TBC1D1: variants seen among roughly 807,000 people sequenced by gnomAD.
TBC1D1 encodes the protein TBC1 (tre-2/USP6, BUB2, cdc16) domain family, member 1.
In TBC1D1, 89 loss-of-function variants were observed where a neutral mutation model predicts 125.6. The ratio of observed to expected loss-of-function variants is 0.71; its 90% confidence interval spans 0.60 to 0.85. TBC1D1 has a LOEUF of 0.85. TBC1D1 is among the 40% of genes least tolerant of loss of function. The probability of loss-of-function intolerance (pLI) is 0.00; values close to 1 mark genes in which losing one functional copy is unlikely to be tolerated. For missense variants in TBC1D1, 1,377 were observed against 1,469.2 expected (o/e 0.94, Z 1.03); for synonymous variants, 565 against 564.1 (o/e 1.00, Z -0.02).
In TBC1D1 at chr4:38,075,286, G is replaced by A. The variant is rs576672926; in HGVS notation, c.2051-14646G>A. The stretch of plus-strand genomic sequence containing the variant: ...TTCAAGAGATCTTGATGATCATGTC[G>A]TCTGTTTTCATTTTCTACTACATGA... On this transcript the variant is annotated intron_variant, in intron 12 of 19. Transcript: ENST00000261439. 3.8e-4 allele frequency among the ~76,000 whole-genome samples: 58 copies of A among 152,222 alleles called. 1 individual carries two copies. The South Asian group carries it at 4.6e-3, about 12-fold the overall frequency.
intron 1 of TBC1D1, among the ~76,000 whole-genome samples, chr4:37,900,107 C>T (rs1715555803): frequency 7.3e-6 from 1 of 136,178 alleles, no homozygotes; most frequent in Non-Finnish European, 1.5e-5. Context: ...GGCGACAGAG[C>T]GAGGAGCCGT....
chr4:38,094,790 G>A (rs1326045739), intron 13 of TBC1D1, among the ~76,000 whole-genome samples: 1 of 150,586 alleles, frequency 6.6e-6, no homozygotes, highest in Non-Finnish European at 1.5e-5. Context: ...GCCAGTTGCA[G>A]TGCAGCAAGG....
At chr4:38,079,743 A>G (rs1756232216) in intron 12 of TBC1D1, among the ~76,000 whole-genome samples, 1 of 152,142 alleles carries the variant, frequency 6.6e-6, no homozygotes, top group African/African-American at 2.4e-5. Flanking sequence ...AAAAAAAGCA[A>G]GTTATATTAC....
chr4:38,102,978 T>G (rs748204131), intron 14 of TBC1D1, 21 bp from the exon 17 acceptor site: 60 of 1,604,754 alleles, frequency 3.7e-5, no homozygotes, highest in Non-Finnish European at 4.9e-5. Context: ...ATTATTTCCA[T>G]GTCTTCTCTC....
At chr4:38,045,298 GATTTT>G (rs1008394593) in intron 9 of TBC1D1, among the ~76,000 whole-genome samples, 11 of 152,244 alleles carry the variant, frequency 7.2e-5, no homozygotes, top group South Asian at 6.2e-4. Context: ...TGAAACATCT[GATTTT>G]ATTTTATTTT....
intron 12 of TBC1D1, among the ~76,000 whole-genome samples, chr4:38,061,720 G>C (rs1455022732): frequency 6.6e-6 from 1 of 152,142 alleles, no homozygotes; most frequent in African/African-American, 2.4e-5. Context: ...AAGTCTAGTG[G>C]ATTAGATATT....
At chr4:37,918,823 C>G (rs893028357) in intron 2 of TBC1D1, among the ~76,000 whole-genome samples, 1 of 152,088 alleles carries the variant, frequency 6.6e-6, no homozygotes, top group Non-Finnish European at 1.5e-5. Flanking sequence ...GTACAGTTCC[C>G]CTGTCAACTA....
chr4:37,901,255 C>G (rs113249810), intron 1 of TBC1D1, among the ~76,000 whole-genome samples: 1 of 151,832 alleles, frequency 6.6e-6, no homozygotes, highest in Non-Finnish European at 1.5e-5. Context: ...CTCCTGGATT[C>G]AAGCAATTCT....
intron 18 of TBC1D1, among the ~76,000 whole-genome samples, chr4:38,125,500 G>A (rs1764498496): frequency 6.6e-6 from 1 of 152,204 alleles, no homozygotes. Context: ...ATTTGTGTGT[G>A]TGTATGTTGA....
chr4:38,069,634 G>T (rs1230930672), intron 12 of TBC1D1, among the ~76,000 whole-genome samples: 1 of 152,124 alleles, frequency 6.6e-6, no homozygotes, highest in Non-Finnish European at 1.5e-5. Flanking sequence ...ACTATATGCA[G>T]TCATGCCAAC....
intron 14 of TBC1D1, among the ~76,000 whole-genome samples, chr4:38,102,328 C>A (rs1760501543): frequency 6.6e-6 from 1 of 151,780 alleles, no homozygotes; most frequent in Admixed American, 6.6e-5. Context: ...TCTGAGATCA[C>A]ATCTTACATG....
chr4:38,077,181 G>A (rs1755743106), intron 12 of TBC1D1, among the ~76,000 whole-genome samples: 1 of 152,218 alleles, frequency 6.6e-6, no homozygotes, highest in African/African-American at 2.4e-5. Context: ...TGTATTGCAT[G>A]CTATTTAACA....
intron 2 of TBC1D1, among the ~76,000 whole-genome samples, chr4:37,993,801 C>T (rs949444743): frequency 6.6e-6 from 1 of 152,150 alleles, no homozygotes; most frequent in Admixed American, 6.5e-5. Context: ...AGGCTGGTCT[C>T]GAACTCCGGA....
At chr4:37,945,715 G>T (rs1726564837) in intron 2 of TBC1D1, among the ~76,000 whole-genome samples, 1 of 151,974 alleles carries the variant, frequency 6.6e-6, no homozygotes, top group African/African-American at 2.4e-5. Flanking sequence ...TAACATCCAG[G>T]ATTCCCATAC....
At chr4:38,045,630 G>A (rs970578026) in intron 9 of TBC1D1, among the ~76,000 whole-genome samples, 187 bp from the exon 10 acceptor site, 1 of 152,160 alleles carries the variant, frequency 6.6e-6, no homozygotes, top group African/African-American at 2.4e-5. Context: ...GTTTAGGTTA[G>A]TGTCTTATTT....
intron 11 of TBC1D1, among the ~76,000 whole-genome samples, chr4:38,052,742 A>G (rs1336476613): frequency 8.1e-5 from 12 of 148,160 alleles, no homozygotes; most frequent in African/African-American, 1.8e-4. Context: ...ACACACACAC[A>G]CACACACACA....
intron 12 of TBC1D1, among the ~76,000 whole-genome samples, chr4:38,082,139 C>A (rs976929239): frequency 2.0e-5 from 3 of 152,188 alleles, no homozygotes; most frequent in Non-Finnish European, 2.9e-5. Flanking sequence ...AAGTCATTTT[C>A]CAGTGTCCCT....
intron 12 of TBC1D1, among the ~76,000 whole-genome samples, chr4:38,075,209 T>C (rs1755381262): frequency 1.3e-5 from 2 of 152,224 alleles, no homozygotes; most frequent in Admixed American, 6.5e-5. Context: ...ATAAAATGGA[T>C]TAAAGTGTTT....
intron 2 of TBC1D1, among the ~76,000 whole-genome samples, chr4:37,958,121 C>T (rs372666763): frequency 3.9e-5 from 6 of 152,138 alleles, no homozygotes; most frequent in South Asian, 2.1e-4. Flanking sequence ...ACGTTTATGG[C>T]GACCAAGTTT....
Sources: allele counts gnomAD v4.1 joint callset (sites outside exome capture counted in the v4.1 genomes callset), GRCh38; gene constraint gnomAD v4.1.1; transcripts MANE v1.5; gene names NCBI Gene and HGNC (gene_info 2026-07-23, HGNC 2026-07-21).